Variants in METAP1D observed in about 807,000 individuals in gnomAD.
The protein encoded by METAP1D is methionyl aminopeptidase type 1D, mitochondrial, also known as methionine aminopeptidase 1D, mitochondrial.
A neutral mutation model predicts 40.5 loss-of-function variants in METAP1D; 31 were observed. That is an observed-to-expected ratio of 0.77 (90% CI 0.58 to 1.03). The LOEUF (loss-of-function observed/expected upper bound fraction) is 1.03, where lower values mean the gene tolerates loss of function less well. Among genes scored for constraint, METAP1D ranks in the 50% least tolerant of loss-of-function variants. The probability of loss-of-function intolerance (pLI) is 0.00; values close to 1 mark genes in which losing one functional copy is unlikely to be tolerated. For missense variants in METAP1D, 411 were observed against 420.7 expected, an observed-to-expected ratio of 0.98 and a Z score of 0.20; for synonymous variants, 151 against 146.4, an observed-to-expected ratio of 1.03 and a Z score of -0.22.
chr2:172,042,868 T>TACACATATAC lies in METAP1D; in HGVS notation c.41-18630_41-18629insACACATATAC, dbSNP rs1689630153. On this transcript the variant is annotated intron_variant, in intron 1 of 9. Transcript: ENST00000315796. ...GTGTGTGTATATATGTACATATATG[T>TACACATATAC]GTATGTGTGTAAATATGTACATATA... 2.6e-5 allele frequency among the ~76,000 whole-genome samples: 3 copies of TACACATATAC among 115,164 alleles called. 1 individual carries two copies. The highest frequency in any genetic ancestry group is 6.4e-5 in the Non-Finnish European group (3 of 47,226). 75.6% of individuals were successfully genotyped at this position (115,164 alleles called of 152,430 possible). A position where few individuals can be genotyped will look rare whatever the true frequency, so the allele number is the denominator to read the frequency against.
chr2:172,039,251 T>C (rs1689461032), intron 1 of METAP1D, among the ~76,000 whole-genome samples: 1 of 152,164 alleles, frequency 6.6e-6, no homozygotes. Context: ...TGGCCAAGTC[T>C]CAAAAACTTT....
intron 1 of METAP1D, among the ~76,000 whole-genome samples, chr2:172,061,231 A>G (rs1319467673): frequency 6.6e-6 from 1 of 152,200 alleles, no homozygotes; most frequent in African/African-American, 2.4e-5. Context: ...GGTGCTTAGC[A>G]GATGTTTCTA....
intron 1 of METAP1D, among the ~76,000 whole-genome samples, chr2:172,029,365 G>C (rs1689190079): frequency 1.3e-5 from 2 of 152,242 alleles, no homozygotes; most frequent in Non-Finnish European, 2.9e-5. Flanking sequence ...TGAGTTTGCA[G>C]TAAGCTGAGA....
intron 1 of METAP1D, among the ~76,000 whole-genome samples, chr2:172,019,350 C>A (rs1481530598): frequency 6.6e-6 from 1 of 152,060 alleles, no homozygotes; most frequent in Non-Finnish European, 1.5e-5. Flanking sequence ...AAGAAATTTT[C>A]TAGAAAACTA....
chr2:172,042,207 ATG>A (rs1226628736), intron 1 of METAP1D, among the ~76,000 whole-genome samples: 2 of 51,222 alleles, frequency 3.9e-5, no homozygotes, highest in Middle Eastern at 0.015. Flanking sequence ...ACATATACAT[ATG>A]TATGTGTACA....
At chr2:172,060,064 C>G (rs1234016744) in intron 1 of METAP1D, among the ~76,000 whole-genome samples, 3 of 150,464 alleles carry the variant, frequency 2.0e-5, no homozygotes, top group Admixed American at 2.0e-4. Flanking sequence ...AAAAAGAAAC[C>G]AAAAAACAAA....
rs1690684457 is a variant in METAP1D, at chr2:172,080,680, C to A, written c.*274C>A. On this transcript the variant is annotated 3_prime_UTR_variant, in exon 10 of 10. Transcript: ENST00000315796. ...CGCATCTGGAGGGGACTGGAGGAAA[C>A]CCCCTTGTTGGAAGAGATTCCAAGA... is the stretch of plus-strand genomic sequence containing the variant. The A allele has an allele frequency of 8.7e-6, 5 of 572,344 alleles. No individual in the cohort carries two copies. The highest frequency in any genetic ancestry group is 1.6e-5 in the Non-Finnish European group (5 of 321,016). The allele number at this position is 572,344 out of a possible 1,614,324, so 35.5% of individuals were successfully genotyped here.
At chr2:172,040,545 A>G (rs1689495214) in intron 1 of METAP1D, among the ~76,000 whole-genome samples, 2 of 152,148 alleles carry the variant, frequency 1.3e-5, no homozygotes, top group Admixed American at 1.3e-4. Flanking sequence ...AAATTTTAAG[A>G]CATACTGCTA....
chr2:172,001,521 G>GTGTA (rs1688462310), intron 1 of METAP1D, among the ~76,000 whole-genome samples: 13 of 151,744 alleles, frequency 8.6e-5, no homozygotes, highest in Admixed American at 8.5e-4. Flanking sequence ...CTGGGCGACA[G>GTGTA]AGCGAGACTC....
At chr2:172,008,671 A>G (rs1688643687) in intron 1 of METAP1D, among the ~76,000 whole-genome samples, 1 of 150,388 alleles carries the variant, frequency 6.6e-6, no homozygotes, top group African/African-American at 2.5e-5. Flanking sequence ...TACTGTAATA[A>G]AAGTTAGGTG....
At position 172,008,630 on chromosome 2, in the gene METAP1D, A is replaced by C. The variant is rs562927525; in HGVS notation, c.40+8621A>C. ...TTAGGCAGAGTATGAAATTAACAAC[A>C]ATCACTAAAAATAGAACAATTTTAA... On this transcript the variant is annotated intron_variant, in intron 1 of 9. Coordinates refer to ENST00000315796, the MANE Select transcript of METAP1D (RefSeq NM_199227.3). Among the ~76,000 whole-genome samples, 4 of 152,342 alleles carry C rather than the reference A, an allele frequency of 2.6e-5. No individual in the cohort carries two copies. The East Asian group carries it at 7.7e-4, about 29-fold the overall frequency.
At chr2:172,011,068 T>G (rs1217975640) in intron 1 of METAP1D, among the ~76,000 whole-genome samples, 1 of 152,076 alleles carries the variant, frequency 6.6e-6, no homozygotes, top group Non-Finnish European at 1.5e-5. Context: ...CTGTTCAATC[T>G]TAACAGCTTT....
rs2120352 is a variant in METAP1D, at chr2:172,080,189, C to T, written c.912C>T (p.Val304=). Reference sequence around the variant, plus strand: ...TCCTGGAGGATGCATGGACTGTGGTCTCCCTAGACAATCAAAGGTGTTTGC... The same window carrying T: ...TCCTGGAGGATGCATGGACTGTGGTTTCCCTAGACAATCAAAGGTGTTTGC... ...FKVLEDAWTV[V]SLDNQRSAQF... The change falls in exon 9 of 10, where the codon GTC becomes GTT. Residue 304 remains valine (V), a synonymous_variant. Coordinates refer to ENST00000315796, the MANE Select transcript of METAP1D (RefSeq NM_199227.3). 6.2e-7 allele frequency: 1 copy of T among 1,614,206 alleles called. No homozygotes were observed. Among genetic ancestry groups the T allele is most frequent in the Non-Finnish European group, 8.5e-7 (1 of 1,180,012 alleles).
rs145438255 is a variant in METAP1D at position 172,079,992 on chromosome 2, A to C, written c.851-136A>C. 3,676 of 712,046 alleles carry C rather than the reference A, an allele frequency of 5.2e-3. 22 individuals are homozygous for C. Among genetic ancestry groups the C allele is most frequent in the Middle Eastern group, 0.019 (51 of 2,652 alleles). 44.1% of individuals were successfully genotyped at this position (712,046 alleles called of 1,614,324 possible). A position where few individuals can be genotyped will look rare whatever the true frequency, so the allele number is the denominator to read the frequency against. On this transcript the variant is annotated intron_variant, in intron 8 of 9. Coordinates refer to ENST00000315796, the MANE Select transcript of METAP1D (RefSeq NM_199227.3). Reference sequence around the variant, plus strand: ...AGCAACATCAATTATCAACCCTTGCAAGATGACAACATGAGCCTGTGGGGG... The same window carrying C: ...AGCAACATCAATTATCAACCCTTGCCAGATGACAACATGAGCCTGTGGGGG...
chr2:172,073,822 G>C (rs1030508483), intron 6 of METAP1D, among the ~76,000 whole-genome samples: 1 of 152,164 alleles, frequency 6.6e-6, no homozygotes, highest in Admixed American at 6.5e-5. Context: ...ACTCGGTCTT[G>C]TTTATTTTAA....
intron 1 of METAP1D, among the ~76,000 whole-genome samples, chr2:172,060,058 AGAAACC>A (rs1690102001): frequency 6.6e-6 from 1 of 152,056 alleles, no homozygotes; most frequent in African/African-American, 2.4e-5. Flanking sequence ...CTCAAAAAAA[AGAAACC>A]AAAAAACAAA....
At chr2:172,070,867 T>C in intron 5 of METAP1D, 40 bp from the exon 6 acceptor site, 1 of 1,532,122 alleles carries the variant, frequency 6.5e-7, no homozygotes, top group Non-Finnish European at 8.8e-7. Context: ...AAGTAGATTT[T>C]TAAACAAGGA....
chr2:172,035,153 T>TG (rs1689341862), intron 1 of METAP1D, among the ~76,000 whole-genome samples: 2 of 116,336 alleles, frequency 1.7e-5, no homozygotes, highest in Admixed American at 8.5e-5. Context: ...CTGTGTTTTT[T>TG]TTTTGTTTGT....
intron 1 of METAP1D, among the ~76,000 whole-genome samples, chr2:172,004,007 T>G (rs1688525322): frequency 6.6e-6 from 1 of 152,128 alleles, no homozygotes; most frequent in Non-Finnish European, 1.5e-5. Context: ...TGACTTCAAG[T>G]GATCCGCCTG....
Sources: gnomAD v4.1 joint callset for allele counts (sites outside exome capture counted in the v4.1 genomes callset) on GRCh38, gnomAD v4.1.1 for gene constraint, MANE v1.5 for transcripts, NCBI Gene and HGNC (gene_info 2026-07-23, HGNC 2026-07-21) for gene names.